Variants in SLC9B1 observed in about 807,000 individuals in gnomAD.
SLC9B1 encodes the protein sodium/hydrogen exchanger 9B1.
SLC9B1 carries 32 observed loss-of-function variants against 51.7 expected under a neutral mutation model. That is an observed-to-expected ratio of 0.62 (90% CI 0.47 to 0.83). The LOEUF (loss-of-function observed/expected upper bound fraction) is 0.83. Among genes scored for constraint, SLC9B1 ranks in the 40% least tolerant of loss-of-function variants. The pLI, the probability that SLC9B1 is intolerant of heterozygous loss-of-function variation, is 0.00. For synonymous variants in SLC9B1, 145 were observed against 212.7 expected, an observed-to-expected ratio of 0.68 and a Z score of 2.77; for missense variants, 406 against 613.2, an observed-to-expected ratio of 0.66 and a Z score of 3.57.
chr4:102,966,582 G>A (rs1313247788), intron 3 of SLC9B1, among the ~76,000 whole-genome samples: 4 of 152,152 alleles, frequency 2.6e-5, no homozygotes, highest in Non-Finnish European at 5.9e-5. Flanking sequence ...AGAATTTGGG[G>A]AGCAGGATCT....
intron 3 of SLC9B1, among the ~76,000 whole-genome samples, chr4:102,970,653 T>G (rs988861576): frequency 2.0e-5 from 3 of 152,142 alleles, no homozygotes; most frequent in Admixed American, 2.0e-4. Context: ...ACCTTAAATG[T>G]AAATGGGCTA....
intron 3 of SLC9B1, among the ~76,000 whole-genome samples, chr4:102,979,947 A>G (rs562426427): frequency 6.6e-6 from 1 of 152,316 alleles, no homozygotes; most frequent in African/African-American, 2.4e-5. Context: ...ACATGAGCAG[A>G]CACTTCTCGA....
intron 9 of SLC9B1, among the ~76,000 whole-genome samples, chr4:102,908,382 GTGTATAGA>G (rs1735161063): frequency 2.9e-5 from 4 of 139,188 alleles, no homozygotes; most frequent in African/African-American, 1.1e-4. Context: ...TTATGTGTGT[GTGTATAGA>G]TATATATATA....
chr4:102,943,035 C>A (rs1260466984), intron 6 of SLC9B1, among the ~76,000 whole-genome samples: 1 of 151,908 alleles, frequency 6.6e-6, no homozygotes, highest in Non-Finnish European at 1.5e-5. Context: ...ATAGACACTT[C>A]CCAAAAGAAG....
intron 6 of SLC9B1, among the ~76,000 whole-genome samples, chr4:102,943,166 TAA>T (rs139951941): frequency 6.9e-6 from 1 of 144,206 alleles, no homozygotes; most frequent in Non-Finnish European, 1.5e-5. Context: ...ATCAAAAAAA[TAA>T]AAAAAAAAAA....
intron 11 of SLC9B1, chr4:102,890,409 A>G (rs1214326216): frequency 6.6e-6 from 1 of 152,210 alleles, no homozygotes; most frequent in Non-Finnish European, 1.5e-5. Flanking sequence ...ATTTAGGTGG[A>G]TGTTTTATTT....
downstream of SLC9B1, among the ~76,000 whole-genome samples, chr4:102,896,538 A>C (rs1055002856): frequency 6.6e-6 from 1 of 152,214 alleles, no homozygotes; most frequent in Non-Finnish European, 1.5e-5. Context: ...GTAATTGAAA[A>C]AATAAACACT....
At chr4:102,894,275 G>A (rs1014312620) in intron 11 of SLC9B1, among the ~76,000 whole-genome samples, 13 of 152,102 alleles carry the variant, frequency 8.5e-5, no homozygotes, top group East Asian at 5.8e-4. Context: ...ATGAAACAAC[G>A]TTTCAATTAA....
At chr4:102,967,370 T>C (rs908909768) in intron 3 of SLC9B1, among the ~76,000 whole-genome samples, 2 of 152,232 alleles carry the variant, frequency 1.3e-5, no homozygotes, top group African/African-American at 4.8e-5. Flanking sequence ...CAGTACAAAT[T>C]TTCTGTCTTA....
chr4:103,013,150 A>G (rs1322202037), intron 1 of SLC9B1, among the ~76,000 whole-genome samples: 2 of 152,248 alleles, frequency 1.3e-5, no homozygotes, highest in Non-Finnish European at 2.9e-5. Context: ...TATACATGGA[A>G]TCAAACTGTC....
chr4:102,942,616 C>T lies in SLC9B1; in HGVS notation c.653+2577G>A, dbSNP rs1578366715. 2.6e-5 allele frequency among the ~76,000 whole-genome samples: 4 copies of T among 152,262 alleles called. No homozygotes were observed. The South Asian group carries it at 8.3e-4, about 32-fold the overall frequency. ...CAACAAATGGTGCTGGGATAATTGG[C>T]AAGCCATATGTAGAAGAATGAAACT... is the stretch of plus-strand genomic sequence containing the variant. On this transcript the variant is annotated intron_variant, in intron 6 of 11. Transcript: ENST00000296422.
At chr4:102,955,843 G>GAGAAAGAAAGACAGAA (rs1414678889) in intron 3 of SLC9B1, among the ~76,000 whole-genome samples, 4 of 106,754 alleles carry the variant, frequency 3.7e-5, no homozygotes, top group African/African-American at 1.4e-4. Flanking sequence ...GAAAGAGAGA[G>GAGAAAGAAAGACAGAA]AGAAAGAAAG....
chr4:103,000,531 T>C (rs1365756972), intron 1 of SLC9B1, among the ~76,000 whole-genome samples: 1 of 152,224 alleles, frequency 6.6e-6, no homozygotes, highest in Non-Finnish European at 1.5e-5. Flanking sequence ...GGTACAGGCA[T>C]TGGGTAAATA....
At chr4:102,982,806 C>T (rs986201406) in intron 3 of SLC9B1, among the ~76,000 whole-genome samples, 7 of 151,866 alleles carry the variant, frequency 4.6e-5, no homozygotes, top group South Asian at 2.1e-4. Flanking sequence ...GAATTTTTAC[C>T]GATACAATCA....
intron 1 of SLC9B1, among the ~76,000 whole-genome samples, chr4:103,007,765 A>G (rs983768383): frequency 1.3e-5 from 2 of 151,552 alleles, no homozygotes; most frequent in Non-Finnish European, 2.9e-5. Flanking sequence ...ATGTCTGGTT[A>G]ATTTTTTGTA....
At chr4:102,972,094 C>A (rs760478432) in intron 3 of SLC9B1, among the ~76,000 whole-genome samples, 261 of 152,290 alleles carry the variant, frequency 1.7e-3, no homozygotes, top group African/African-American at 5.9e-3. Flanking sequence ...CCTTCTGAAA[C>A]TATTCCAATC....
intron 3 of SLC9B1, among the ~76,000 whole-genome samples, chr4:102,957,543 T>C (rs1737870348): frequency 6.6e-6 from 1 of 152,170 alleles, no homozygotes; most frequent in South Asian, 2.1e-4. Context: ...AAAATAACTG[T>C]CAATTAAGAA....
At chr4:102,943,510 C>CACACACACAA (rs1461842697) in intron 6 of SLC9B1, among the ~76,000 whole-genome samples, 1 of 150,522 alleles carries the variant, frequency 6.6e-6, no homozygotes, top group Non-Finnish European at 1.5e-5. Flanking sequence ...TATGTATACA[C>CACACACACAA]ACACACACAC....
chr4:102,905,765 A>G (rs1299968789), intron 10 of SLC9B1, 115 bp from the exon 11 acceptor site: 3 of 903,534 alleles, frequency 3.3e-6, no homozygotes, highest in Non-Finnish European at 5.1e-6. Context: ...TTGTCTCTTC[A>G]TGTGCTTATT....
Sources: gnomAD v4.1 joint callset for allele counts (sites outside exome capture counted in the v4.1 genomes callset) on GRCh38, gnomAD v4.1.1 for gene constraint, MANE v1.5 for transcripts, NCBI Gene and HGNC (gene_info 2026-07-23, HGNC 2026-07-21) for gene names.